Variants in NUP214 observed in about 807,000 individuals in gnomAD.
NUP214 encodes the protein nuclear pore complex protein Nup214.
NUP214 carries 79 observed loss-of-function variants against 196.2 expected under a neutral mutation model. The observed-to-expected ratio is 0.40, with a 90% confidence interval of 0.34 to 0.49. NUP214 has a LOEUF of 0.49. NUP214 is among the 20% of genes least tolerant of loss of function. The pLI is 0.58. For missense variants in NUP214, 2,468 were observed against 2,539.0 expected, an observed-to-expected ratio of 0.97 and a Z score of 0.60; for synonymous variants, 1,020 against 990.5, an observed-to-expected ratio of 1.03 and a Z score of -0.56.
intron 32 of NUP214, among the ~76,000 whole-genome samples, chr9:131,226,062 C>T (rs1036996664): frequency 5.3e-5 from 8 of 152,076 alleles, no homozygotes; most frequent in Admixed American, 2.0e-4. Context: ...TCGCACAGAC[C>T]TTGTTCCAGT....
chr9:131,217,896 G>A (rs950439109), intron 31 of NUP214, among the ~76,000 whole-genome samples: 2 of 152,180 alleles, frequency 1.3e-5, no homozygotes, highest in African/African-American at 4.8e-5. Flanking sequence ...AGCCAGCCAA[G>A]CACATCTTCC....
intron 21 of NUP214, among the ~76,000 whole-genome samples, chr9:131,171,675 G>T (rs1313499378): frequency 1.3e-5 from 2 of 151,428 alleles, no homozygotes; most frequent in Non-Finnish European, 2.9e-5. Context: ...TTAGCCTTAG[G>T]TATATCTCCT....
At position 131,230,650 on chromosome 9, in the gene NUP214, C is replaced by T; in HGVS notation, c.6095C>T (p.Thr2032Ile). Residue 2032 changes from threonine (T) to isoleucine (I), a missense_variant, in exon 34 of 36, where the codon ACC becomes ATC. Physicochemically the swap from Thr to Ile is moderately conservative, Grantham distance 89. Transcript: ENST00000359428. ...GGFGFGSSSN[T>I]TSFGTLASQN... is the part of the protein sequence containing the mutation. Reference sequence around the variant, plus strand: ...CGCAGGTTTGGGAGCAGCAGCAACACCACATCCTTCGGCACGCTCGCGAGT... The same window carrying T: ...CGCAGGTTTGGGAGCAGCAGCAACATCACATCCTTCGGCACGCTCGCGAGT... The T allele has an allele frequency of 6.2e-7, 1 of 1,614,108 alleles. No homozygotes were observed. The highest frequency in any genetic ancestry group is 2.2e-5 in the East Asian group (1 of 44,880).
At chr9:131,214,711 C>A (rs560087934) in intron 30 of NUP214, among the ~76,000 whole-genome samples, 1 of 152,300 alleles carries the variant, frequency 6.6e-6, no homozygotes, top group African/African-American at 2.4e-5. Context: ...CTAATTTAAG[C>A]TTACTTCTGC....
chr9:131,207,650 C>G (rs939580685), intron 30 of NUP214, among the ~76,000 whole-genome samples: 2 of 152,230 alleles, frequency 1.3e-5, no homozygotes, highest in African/African-American at 4.8e-5. Flanking sequence ...AGAGGAGATA[C>G]AGAGGCCGCC....
chr9:131,163,728 T>C, intron 19 of NUP214, 142 bp from the exon 20 acceptor site: 1 of 680,840 alleles, frequency 1.5e-6, no homozygotes, highest in Non-Finnish European at 2.6e-6. Context: ...TTAGATTAAT[T>C]CCATCAGTTG....
intron 2 of NUP214, 53 bp from the exon 3 acceptor site, chr9:131,128,279 G>T: frequency 1.3e-6 from 2 of 1,555,478 alleles, no homozygotes. Context: ...AGAGGTTGTG[G>T]CTTTATGCTT....
intron 16 of NUP214, 132 bp from the exon 17 acceptor site, chr9:131,151,604 T>TA (rs1181132314): frequency 3.3e-6 from 2 of 606,064 alleles, no homozygotes; most frequent in African/African-American, 1.9e-5. Flanking sequence ...ATTCTTTTTT[T>TA]ACCTGAGTTA....
chr9:131,210,420 G>C (rs561817069), intron 30 of NUP214, among the ~76,000 whole-genome samples: 1 of 152,166 alleles, frequency 6.6e-6, no homozygotes, highest in Non-Finnish European at 1.5e-5. Context: ...ACGAGGTCAG[G>C]AGTTCAAGAC....
chr9:131,197,273 G>A lies in NUP214; in HGVS notation c.3779G>A (p.Gly1260Glu), dbSNP rs1833813384. 4 of 1,614,066 alleles carry A rather than the reference G, an allele frequency of 2.5e-6. No homozygotes were observed. Among genetic ancestry groups the A allele is most frequent in the South Asian group, 2.2e-5 (2 of 91,088 alleles). Residue 1260 changes from glycine to glutamate, a missense_variant, in exon 29 of 36, where the codon GGA becomes GAA. This residue lies in a region of NUP214 where 1,801 missense variants were observed against 1,779.4 expected (regional missense o/e 1.01). Transcript: ENST00000359428. ...CCGGACGCATTCTCATCTGGTGGGG[G>A]AAGCAAACCTTCTTATGAGGCCATT... ...SQPDAFSSGG[G>E]SKPSYEAIPE...
rs149014459 is a variant in NUP214, at chr9:131,228,646, G to A, written c.6074+315G>A. ...GCCCTGCCTTAACTACTGCTTTGTA[G>A]CCAAGAGGTGCCCCGGTGTGGAGCT... On this transcript the variant is annotated intron_variant, in intron 33 of 35. Coordinates refer to ENST00000359428, the MANE Select transcript of NUP214 (RefSeq NM_005085.4). 2.8e-4 allele frequency: 64 copies of A among 231,200 alleles called. No homozygotes were observed. In the East Asian group the frequency reaches 5.3e-3, roughly 19 times the overall value. The allele number at this position is 231,200 out of a possible 1,614,324, so 14.3% of individuals were successfully genotyped here. A position where few individuals can be genotyped will look rare whatever the true frequency, so the allele number is the denominator to read the frequency against.
chr9:131,183,993 G>A (rs897442434), intron 24 of NUP214, among the ~76,000 whole-genome samples: 1 of 129,706 alleles, frequency 7.7e-6, no homozygotes, highest in East Asian at 2.2e-4. Flanking sequence ...TACACTATTC[G>A]TATTTTTTCT....
Position 131,233,854 on chromosome 9 carries a change from C to T in NUP214, c.*367C>T, listed in dbSNP as rs931715817. On this transcript the variant is annotated 3_prime_UTR_variant, in exon 36 of 36. Transcript: ENST00000359428. Reference sequence around the variant, plus strand: ...AGCGTCGGGTGTTGATAAACAGCATCGAATGTGCCGTGGTCTCACTTGGAC... The same window carrying T: ...AGCGTCGGGTGTTGATAAACAGCATTGAATGTGCCGTGGTCTCACTTGGAC... 7.5e-6 allele frequency: 3 copies of T among 401,382 alleles called. No individual in the cohort carries two copies. Among genetic ancestry groups the T allele is most frequent in the Non-Finnish European group, 1.4e-5 (3 of 212,468 alleles). The allele number at this position is 401,382 out of a possible 1,614,324, so 24.9% of individuals were successfully genotyped here.
At chr9:131,131,720 G>C (rs762944630) in intron 5 of NUP214, among the ~76,000 whole-genome samples, 1 of 151,876 alleles carries the variant, frequency 6.6e-6, no homozygotes. Context: ...GTCTTGCTCT[G>C]TTGCCCAGGC....
In NUP214 at chr9:131,198,899, A is replaced by C; in HGVS notation, c.5405A>C (p.Asn1802Thr). Residue 1802 changes from asparagine (N) to threonine (T), a missense_variant, in exon 29 of 36, where the codon AAC becomes ACC. By Grantham distance (65) the Asn-to-Thr change is moderately conservative. Coordinates refer to ENST00000359428, the MANE Select transcript of NUP214 (RefSeq NM_005085.4). ...NTGGGLFGQS[N>T]APAFGQSPGF... ...GGAGGGGGGCTGTTTGGCCAAAGCA[A>C]CGCTCCTGCTTTTGGGCAGAGTCCT... is the stretch of plus-strand genomic sequence containing the variant. The C allele has an allele frequency of 1.9e-6, 3 of 1,614,144 alleles. No individual in the cohort carries two copies. Among genetic ancestry groups the C allele is most frequent in the Non-Finnish European group, 2.5e-6 (3 of 1,180,026 alleles).
At chr9:131,150,031 C>T in intron 14 of NUP214, 1 of 230,870 alleles carries the variant, frequency 4.3e-6, no homozygotes, top group African/African-American at 2.2e-5. Flanking sequence ...CTTTATGTTT[C>T]CCTGTTTGTT....
intron 24 of NUP214, among the ~76,000 whole-genome samples, chr9:131,183,866 A>T (rs945867985): frequency 6.6e-6 from 1 of 152,018 alleles, no homozygotes; most frequent in Non-Finnish European, 1.5e-5. Context: ...TCCTTATTTT[A>T]TGAAAATGTT....
At chr9:131,151,571 T>C (rs559476230) in intron 16 of NUP214, among the ~76,000 whole-genome samples, 165 bp from the exon 17 acceptor site, 9 of 152,216 alleles carry the variant, frequency 5.9e-5, no homozygotes, top group Non-Finnish European at 1.2e-4. Flanking sequence ...AAAAAGAACA[T>C]TAGTGTCGTT....
chr9:131,150,710 G>A lies in NUP214; in HGVS notation c.2222G>A (p.Arg741Gln), dbSNP rs117680443. 36 of 1,614,030 alleles carry A rather than the reference G, an allele frequency of 2.2e-5. No individual in the cohort carries two copies. The highest frequency in any genetic ancestry group is 1.0e-4 in the Admixed American group (6 of 59,984). Residue 741 changes from arginine to glutamine, a missense_variant, in exon 16 of 36, where the codon CGA (arginine) becomes CAA (glutamine). Physicochemically the swap from Arg to Gln is conservative, Grantham distance 43. Transcript: ENST00000359428. ...ACTTCTGAGGAGATGAAGATGCTGC[G>A]AACAGAATCAGATGACTTGCATACC... Reference protein sequence around the residue: ...VGTSEEMKMLRTESDDLHTFL... With the variant: ...VGTSEEMKMLQTESDDLHTFL...
Sources: allele counts gnomAD v4.1 joint callset (sites outside exome capture counted in the v4.1 genomes callset), GRCh38; gene constraint gnomAD v4.1.1; regional missense constraint gnomAD v4.1.1; transcripts MANE v1.5; gene names NCBI Gene and HGNC (gene_info 2026-07-23, HGNC 2026-07-21).